The following MSI2 variants were observed in gnomAD, a reference collection of about 807,000 sequenced individuals.
The protein encoded by MSI2 is RNA-binding protein Musashi homolog 2.
A neutral mutation model predicts 45.6 loss-of-function variants in MSI2; 17 were observed. That is an observed-to-expected ratio of 0.37 (90% CI 0.26 to 0.56). The LOEUF is 0.56. Ranked by LOEUF, MSI2 falls within the 20% of genes least tolerant of loss-of-function variation. MSI2 has a pLI of 0.77. For synonymous variants in MSI2, 156 were observed against 158.2 expected (o/e 0.99, Z 0.11); for missense variants, 293 against 444.2 (o/e 0.66, Z 3.06).
chr17:57,585,803 G>A (rs1014613763), intron 7 of MSI2, among the ~76,000 whole-genome samples: 2 of 152,254 alleles, frequency 1.3e-5, no homozygotes, highest in African/African-American at 4.8e-5. Context: ...TGCTCCCGCA[G>A]TTGGAGCTCG....
intron 6 of MSI2, among the ~76,000 whole-genome samples, chr17:57,502,165 T>TAGGA (rs1455291302): frequency 6.6e-6 from 1 of 151,960 alleles, no homozygotes. Flanking sequence ...GGGCAACCAA[T>TAGGA]AGGAAAAGGG....
At chr17:57,306,090 G>T (rs1481984369) in intron 5 of MSI2, among the ~76,000 whole-genome samples, 1 of 152,022 alleles carries the variant, frequency 6.6e-6, no homozygotes, top group Non-Finnish European at 1.5e-5. Context: ...TGGCCATACA[G>T]AGTAGAGAGA....
intron 11 of MSI2, among the ~76,000 whole-genome samples, chr17:57,674,325 T>TA (rs889049128): frequency 1.8e-3 from 258 of 142,264 alleles, no homozygotes; most frequent in African/African-American, 4.0e-3. Context: ...TTGTCTTTTT[T>TA]AAAAAAAAAA....
chr17:57,688,937 TA>T (rs1237884459), downstream of MSI2, among the ~76,000 whole-genome samples: 2 of 152,214 alleles, frequency 1.3e-5, no homozygotes, highest in African/African-American at 4.8e-5. Context: ...AAACTATTTT[TA>T]AAAGAGCTGG....
chr17:57,515,498 C>A (rs906565068), intron 6 of MSI2, among the ~76,000 whole-genome samples: 2 of 152,206 alleles, frequency 1.3e-5, no homozygotes, highest in Non-Finnish European at 2.9e-5. Context: ...AGCCACTGCA[C>A]CTGGCCTTAT....
Position 57,401,238 on chromosome 17 carries a change from A to G in MSI2, c.313-141A>G, listed in dbSNP as rs544902667. ...CTGTCTCTAGCATCCTTAGACATCT[A>G]AACGCCCGCGCCATGCAGCTTGAAT... On this transcript the variant is annotated intron_variant, in intron 5 of 13. Transcript: ENST00000284073. 6.1e-6 allele frequency: 4 copies of G among 657,378 alleles called. No individual in the cohort carries two copies. In the East Asian group the frequency reaches 1.1e-4, roughly 18 times the overall value. 40.7% of individuals were successfully genotyped at this position (657,378 alleles called of 1,614,324 possible). A position where few individuals can be genotyped will look rare whatever the true frequency, so the allele number is the denominator to read the frequency against.
intron 7 of MSI2, among the ~76,000 whole-genome samples, chr17:57,549,624 C>T (rs1419319599): frequency 6.6e-6 from 1 of 152,170 alleles, no homozygotes; most frequent in African/African-American, 2.4e-5. Context: ...CTTTTTCATA[C>T]ATCCCCACAT....
intron 7 of MSI2, among the ~76,000 whole-genome samples, chr17:57,586,939 T>C (rs372853998): frequency 7.2e-5 from 11 of 152,218 alleles, no homozygotes; most frequent in African/African-American, 2.6e-4. Context: ...TCTTTTACCA[T>C]ATGGTCTCCA....
chr17:57,681,152 T>G lies in MSI2; in HGVS notation c.*1635T>G, dbSNP rs1285785558. On this transcript the variant is annotated 3_prime_UTR_variant, in exon 14 of 14. Transcript: ENST00000284073. ...GTGACTGGTGGGAAAAACTGACAGTTTCCTCTTTGCACATGTTTAACATTT... is the reference window on the plus strand; with the variant it reads ...GTGACTGGTGGGAAAAACTGACAGTGTCCTCTTTGCACATGTTTAACATTT... The G allele has an allele frequency of 5.4e-6, 1 of 186,228 alleles. No homozygotes were observed. Among genetic ancestry groups the G allele is most frequent in the Non-Finnish European group, 1.1e-5 (1 of 88,098 alleles). 11.5% of individuals were successfully genotyped at this position (186,228 alleles called of 1,614,324 possible).
chr17:57,520,755 G>A (rs1163973868), intron 6 of MSI2, among the ~76,000 whole-genome samples: 2 of 152,118 alleles, frequency 1.3e-5, no homozygotes, highest in Non-Finnish European at 2.9e-5. Flanking sequence ...CTGGGTTCAA[G>A]CAATTCTCCT....
chr17:57,274,127 A>T (rs1365362541), intron 5 of MSI2: 1 of 152,264 alleles, frequency 6.6e-6, no homozygotes, highest in Non-Finnish European at 1.5e-5. Flanking sequence ...ACGTGATGCC[A>T]CATAGGCCGG....
intron 5 of MSI2, among the ~76,000 whole-genome samples, chr17:57,314,444 G>A (rs1429399434): frequency 6.6e-6 from 1 of 152,106 alleles, no homozygotes; most frequent in African/African-American, 2.4e-5. Context: ...GCAAAGTAGA[G>A]CATCATGCAT....
At chr17:57,554,457 T>C (rs2087384592) in intron 7 of MSI2, among the ~76,000 whole-genome samples, 2 of 152,142 alleles carry the variant, frequency 1.3e-5, no homozygotes. Context: ...CCATCCCCCC[T>C]CTCCTCCTCA....
chr17:57,537,892 T>C (rs897980120), intron 7 of MSI2, among the ~76,000 whole-genome samples: 2 of 152,112 alleles, frequency 1.3e-5, no homozygotes, highest in African/African-American at 4.8e-5. Context: ...AAAATACAAA[T>C]CTTAAACTTC....
At chr17:57,440,373 G>C (rs1446533882) in intron 6 of MSI2, among the ~76,000 whole-genome samples, 1 of 150,668 alleles carries the variant, frequency 6.6e-6, no homozygotes, top group Non-Finnish European at 1.5e-5. Flanking sequence ...GCATCAGTCA[G>C]ATGCTGTTTA....
At chr17:57,293,417 G>A (rs1418954261) in intron 5 of MSI2, among the ~76,000 whole-genome samples, 1 of 152,168 alleles carries the variant, frequency 6.6e-6, no homozygotes, top group Non-Finnish European at 1.5e-5. Flanking sequence ...CTGCGATCCT[G>A]ATGTGGAGAG....
intron 6 of MSI2, among the ~76,000 whole-genome samples, chr17:57,406,171 A>C (rs963628129): frequency 6.6e-6 from 1 of 152,176 alleles, no homozygotes; most frequent in African/African-American, 2.4e-5. Context: ...TTCCATACAC[A>C]CAGGAATGAT....
chr17:57,698,892 AGTGTGTGTGTGTGT>A, the MSI2 span, among the ~76,000 whole-genome samples: 178 of 118,690 alleles, frequency 1.5e-3, no homozygotes, highest in African/African-American at 3.2e-3. Flanking sequence ...GATACAAGGA[AGTGTGTGTGTGTGT>A]GTGTGTGTGT....
intron 5 of MSI2, among the ~76,000 whole-genome samples, chr17:57,338,445 T>C (rs1914865714): frequency 6.6e-6 from 1 of 152,342 alleles, no homozygotes; most frequent in East Asian, 1.9e-4. Flanking sequence ...TGGCGTGCAA[T>C]GGCACGATCT....
Sources: allele counts gnomAD v4.1 joint callset (sites outside exome capture counted in the v4.1 genomes callset), GRCh38; gene constraint gnomAD v4.1.1; transcripts MANE v1.5; gene names NCBI Gene and HGNC (gene_info 2026-07-23, HGNC 2026-07-21).